Variants in CD1A observed in about 807,000 individuals in gnomAD.
The protein encoded by CD1A is CD1a molecule, also known as T-cell surface glycoprotein CD1a.
A neutral mutation model predicts 38.3 loss-of-function variants in CD1A; 50 were observed. The ratio of observed to expected loss-of-function variants is 1.30; its 90% CI spans 1.04 to 1.65. The LOEUF is 1.65. CD1A is among the 40% of genes most tolerant of loss of function. The probability of loss-of-function intolerance (pLI) is 0.00; values close to 1 mark genes in which losing one functional copy is unlikely to be tolerated. For synonymous variants in CD1A, 160 were observed against 150.8 expected, an observed-to-expected ratio of 1.06 and a Z score of -0.45; for missense variants, 459 against 406.1, an observed-to-expected ratio of 1.13 and a Z score of -1.12.
intron 2 of CD1A, 131 bp downstream of exon 2, chr1:158,255,481 A>G (rs1182991122): frequency 6.0e-6 from 6 of 1,006,656 alleles, no homozygotes; most frequent in Admixed American, 2.7e-5. Context: ...TAAAACTGCA[A>G]TTGCATACTT....
At chr1:158,255,413 T>C in intron 2 of CD1A, 63 bp downstream of exon 2, 2 of 1,513,490 alleles carry the variant, frequency 1.3e-6, no homozygotes, top group Non-Finnish European at 9.1e-7. Flanking sequence ...TCAATGTTTC[T>C]TATTCCTTTA....
chr1:158,249,991 T>C (rs1459823624), upstream of CD1A, among the ~76,000 whole-genome samples: 1 of 152,212 alleles, frequency 6.6e-6, no homozygotes, highest in Non-Finnish European at 1.5e-5. Flanking sequence ...TGGGAAAGCA[T>C]GTCGTCCTGA....
chr1:158,257,902 TCTGGGA>T lies in CD1A; in HGVS notation c.*215_*220del. On this transcript the variant is annotated 3_prime_UTR_variant, in exon 6 of 6. Coordinates refer to ENST00000289429, the MANE Select transcript of CD1A (RefSeq NM_001763.3). ...CAGGATTTGTTGTTCTGACCTGGGTTCTGGGACTTTTAAATTCAAATTTTATCTCCA... is the reference window on the plus strand; with the variant it reads ...CAGGATTTGTTGTTCTGACCTGGGTTCTTTTAAATTCAAATTTTATCTCCA... 1.8e-6 allele frequency: 1 copy of T among 555,196 alleles called. No homozygotes were observed. Among genetic ancestry groups the T allele is most frequent in the Non-Finnish European group, 3.2e-6 (1 of 312,730 alleles). 34.4% of individuals were successfully genotyped at this position (555,196 alleles called of 1,614,324 possible).
In CD1A at chr1:158,257,766, C is replaced by A; in HGVS notation, c.*76C>A. ...AGCAGCCCAAGGGCTCCAGACACAC[C>A]TGAACACATCGTGATGATGACGTCC... On this transcript the variant is annotated 3_prime_UTR_variant, in exon 6 of 6. Coordinates refer to ENST00000289429, the MANE Select transcript of CD1A (RefSeq NM_001763.3). 1 of 1,262,624 alleles carries A rather than the reference C, an allele frequency of 7.9e-7. No homozygotes were observed. The allele number at this position is 1,262,624 out of a possible 1,614,324, so 78.2% of individuals were successfully genotyped here. A position where few individuals can be genotyped will look rare whatever the true frequency, so the allele number is the denominator to read the frequency against.
At position 158,254,736 on chromosome 1, in the gene CD1A, T is replaced by C; in HGVS notation, c.58+9T>C. On this transcript the variant is annotated intron_variant, in intron 1 of 5. Coordinates refer to ENST00000289429, the MANE Select transcript of CD1A (RefSeq NM_001763.3). ...TGATGGCAATGCAGACGGTAAGAAC[T>C]CTGACAACTGCCCAGTTGGGTGGTG... is the stretch of plus-strand genomic sequence containing the variant. The C allele has an allele frequency of 6.3e-7, 1 of 1,597,418 alleles. No individual in the cohort carries two copies. The highest frequency in any genetic ancestry group is 8.6e-7 in the Non-Finnish European group (1 of 1,164,918).
upstream of CD1A, chr1:158,254,280 TG>T: frequency 9.1e-7 from 1 of 1,097,042 alleles, no homozygotes; most frequent in Non-Finnish European, 1.1e-6. Flanking sequence ...AGCAGGGACA[TG>T]GGAGCATTGG....
At chr1:158,257,215 G>A in intron 4 of CD1A, 151 bp downstream of exon 4, 1 of 1,126,244 alleles carries the variant, frequency 8.9e-7, no homozygotes, top group Admixed American at 2.8e-5. Context: ...TTGAAAATGA[G>A]GGCCCTGTAG....
Position 158,255,610 on chromosome 1 carries a change from C to A in CD1A, c.325+260C>A, listed in dbSNP as rs146049142. Among the ~76,000 whole-genome samples, 1,218 of 152,234 alleles carry A rather than the reference C, an allele frequency of 8.0e-3. 9 individuals carry two copies. The highest frequency in any genetic ancestry group is 0.027 in the Middle Eastern group (8 of 292). On this transcript the variant is annotated intron_variant, in intron 2 of 5. Transcript: ENST00000289429. Reference sequence around the variant, plus strand: ...TCTTTTCTTACAGGTATCCCAGGACCACCCTTCTGCCTGCCCTACAACCAG... The same window carrying A: ...TCTTTTCTTACAGGTATCCCAGGACAACCCTTCTGCCTGCCCTACAACCAG...
upstream of CD1A, chr1:158,254,217 CAG>C (rs896806018): frequency 5.1e-5 from 52 of 1,015,408 alleles, no homozygotes; most frequent in African/African-American, 5.9e-4. Flanking sequence ...GCTGAAGAGA[CAG>C]GGGAAGAGAA....
At chr1:158,248,502 A>G in the CD1A span, 1 of 739,570 alleles carries the variant, frequency 1.4e-6, no homozygotes, top group Non-Finnish European at 1.7e-6. Context: ...TTGGTGGCAA[A>G]GGGAAGAATA....
At position 158,254,985 on chromosome 1, in the gene CD1A, C is replaced by T; in HGVS notation, c.59-99C>T. 4 of 1,246,316 alleles carry T rather than the reference C, an allele frequency of 3.2e-6. No individual in the cohort carries two copies. The South Asian group carries it at 5.4e-5, about 17-fold the overall frequency. The allele number at this position is 1,246,316 out of a possible 1,614,324, so 77.2% of individuals were successfully genotyped here. On this transcript the variant is annotated intron_variant, in intron 1 of 5. Coordinates refer to ENST00000289429, the MANE Select transcript of CD1A (RefSeq NM_001763.3). ...GTCTGCTAAGATCATGATGGATCCC[C>T]TTTTCTCCAGATTCTGAGTTCCCGC...
chr1:158,254,818 TGTGTGTGTGTGTGTGGTTTCCCTA>T, intron 1 of CD1A, 91 bp downstream of exon 1: 1 of 918,722 alleles, frequency 1.1e-6, no homozygotes, highest in Non-Finnish European at 1.8e-6. Flanking sequence ...TGTGTGTGTG[TGTGTGTGTGTGTGTGGTTTCCCTA>T]GCATATACCT....
At chr1:158,251,627 C>G (rs1650091329), upstream of CD1A, among the ~76,000 whole-genome samples, 1 of 152,106 alleles carries the variant, frequency 6.6e-6, no homozygotes, top group Admixed American at 6.5e-5. Flanking sequence ...AGAGCACTGT[C>G]TTTTGTTCTG....
In CD1A at chr1:158,256,853, T is replaced by C. The variant is rs1650273109; in HGVS notation, c.672T>C (p.His224=). ...PGPGHLQLVC[H]VSGFYPKPVW... is the part of the protein sequence containing the mutation. ...CTGGCCATCTGCAGCTTGTGTGCCATGTCTCAGGATTCTACCCAAAGCCCG... is the reference window on the plus strand; with the variant it reads ...CTGGCCATCTGCAGCTTGTGTGCCACGTCTCAGGATTCTACCCAAAGCCCG... The change falls in exon 4 of 6, where the codon CAT becomes CAC. Residue 224 remains histidine (H), a synonymous_variant. Coordinates refer to ENST00000289429, the MANE Select transcript of CD1A (RefSeq NM_001763.3). 3 of 1,614,204 alleles carry C rather than the reference T, an allele frequency of 1.9e-6. No individual in the cohort carries two copies. The highest frequency in any genetic ancestry group is 1.7e-4 in the Middle Eastern group (1 of 6,060).
chr1:158,257,407 C>A lies in CD1A; in HGVS notation c.884-14C>A. ...ATGGATTATAACATCCTTGGTGTCT[C>A]CCCAAATTCACAGAGCATCACAGTT... On this transcript the variant is annotated splice_polypyrimidine_tract_variant and intron_variant, in intron 4 of 5. Coordinates refer to ENST00000289429, the MANE Select transcript of CD1A (RefSeq NM_001763.3). The A allele has an allele frequency of 6.3e-7, 1 of 1,598,206 alleles. No homozygotes were observed. Among genetic ancestry groups the A allele is most frequent in the Non-Finnish European group, 8.6e-7 (1 of 1,165,482 alleles).
chr1:158,257,838 T>C lies in CD1A; in HGVS notation c.*148T>C, dbSNP rs1650314136. The C allele has an allele frequency of 1.4e-6, 1 of 695,654 alleles. No individual in the cohort carries two copies. Among genetic ancestry groups the C allele is most frequent in the Non-Finnish European group, 2.5e-6 (1 of 395,510 alleles). 43.1% of individuals were successfully genotyped at this position (695,654 alleles called of 1,614,324 possible). On this transcript the variant is annotated 3_prime_UTR_variant, in exon 6 of 6. Coordinates refer to ENST00000289429, the MANE Select transcript of CD1A (RefSeq NM_001763.3). ...TTTTGTTATTTTTGCTTGTTTCTGA[T>C]TAATGATTGTTTGTCAATATAAGCT...
chr1:158,258,023 C>T lies in CD1A; in HGVS notation c.*333C>T, dbSNP rs539917695. On this transcript the variant is annotated 3_prime_UTR_variant, in exon 6 of 6. Transcript: ENST00000289429. ...GATATCCCTTACTCCAGAGGGCCTT[C>T]CCTGACTTACAAGTGGGAAGCAGTC... The T allele has an allele frequency of 4.1e-6, 1 of 241,760 alleles. No individual in the cohort carries two copies. The highest frequency in any genetic ancestry group is 8.0e-6 in the Non-Finnish European group (1 of 124,518). The allele number at this position is 241,760 out of a possible 1,614,324, so 15.0% of individuals were successfully genotyped here. A position where few individuals can be genotyped will look rare whatever the true frequency, so the allele number is the denominator to read the frequency against.
In CD1A at chr1:158,256,375, A is replaced by G. The variant is rs890113369; in HGVS notation, c.604+93A>G. ...AATTTAGAATAAGGAAGAGCCACCC[A>G]GAAGTGGGAAAGGCTGGGTGCAGTG... On this transcript the variant is annotated intron_variant, in intron 3 of 5. Coordinates refer to ENST00000289429, the MANE Select transcript of CD1A (RefSeq NM_001763.3). The G allele has an allele frequency of 4.7e-6, 6 of 1,284,986 alleles. No individual in the cohort carries two copies. The African/African-American group carries it at 8.8e-5, about 19-fold the overall frequency. 79.6% of individuals were successfully genotyped at this position (1,284,986 alleles called of 1,614,324 possible).
rs376546360 is a variant in CD1A, at chr1:158,256,282, G to T, written c.604G>T (p.Val202Leu). The stretch of plus-strand genomic sequence containing the variant: ...AGGAAAGGCACATCTCCAGCGGCAA[G>T]GTCAGTCCTGCACTCTCCCTCCAAG... ...DAGKAHLQRQ[V>L]KPEAWLSHGP... Residue 202 changes from valine (V) to leucine (L), a missense_variant and splice_region_variant, in exon 3 of 6, where the codon GTG becomes TTG. Val to Leu is a conservative substitution (Grantham distance 32, BLOSUM62 1). Transcript: ENST00000289429. The T allele has an allele frequency of 1.6e-5, 26 of 1,612,558 alleles. No homozygotes were observed. Among genetic ancestry groups the T allele is most frequent in the Non-Finnish European group, 2.1e-5 (25 of 1,179,704 alleles).
Sources: gnomAD v4.1 joint callset for allele counts (sites outside exome capture counted in the v4.1 genomes callset) on GRCh38, gnomAD v4.1.1 for gene constraint, MANE v1.5 for transcripts, NCBI Gene and HGNC (gene_info 2026-07-23, HGNC 2026-07-21) for gene names.